The following PAN3 variants were observed in gnomAD, a reference collection of about 807,000 sequenced individuals.
The protein encoded by PAN3 is PAN2-PAN3 deadenylation complex subunit PAN3.
PAN3 carries 19 observed loss-of-function variants against 96.2 expected under a neutral mutation model. That is an observed-to-expected ratio of 0.20 (90% CI 0.14 to 0.29). The LOEUF (loss-of-function observed/expected upper bound fraction) is 0.29, where lower values mean the gene tolerates loss of function less well. Among genes scored for constraint, PAN3 ranks in the 10% least tolerant of loss-of-function variants. The pLI is 1.00. For synonymous variants in PAN3, 433 were observed against 406.6 expected (o/e 1.06, Z -0.78); for missense variants, 882 against 1,108.1 (o/e 0.80, Z 2.90).
At chr13:28,287,688 T>A (rs912590715) in intron 17 of PAN3, among the ~76,000 whole-genome samples, 1 of 152,156 alleles carries the variant, frequency 6.6e-6, no homozygotes, top group Non-Finnish European at 1.5e-5. Context: ...GAAGAGAAGA[T>A]ATTTAAAGAT....
intron 6 of PAN3, among the ~76,000 whole-genome samples, chr13:28,244,136 GTTTTC>G (rs1181245732): frequency 1.2e-4 from 18 of 152,174 alleles, no homozygotes; most frequent in Middle Eastern, 3.4e-3. Flanking sequence ...CTTGCTTTCT[GTTTTC>G]TTTATGATTT....
chr13:28,220,258 A>C lies in PAN3; in HGVS notation c.880A>C (p.Ile294Leu). Residue 294 changes from isoleucine (I) to leucine (L), a missense_variant, in exon 6 of 19, where the codon ATT becomes CTT. Around this residue, in one of 3 missense-constraint regions of PAN3, gnomAD observed 442 missense variants for 422.8 expected, o/e 1.05. Coordinates refer to ENST00000380958, the MANE Select transcript of PAN3 (RefSeq NM_175854.8). ...ACCAAATCCTACTGCAAGCGAGTTTATTCCTAAAGGAGGATCAACCTCCAG... is the reference window on the plus strand; with the variant it reads ...ACCAAATCCTACTGCAAGCGAGTTTCTTCCTAAAGGAGGATCAACCTCCAG... ...QTPNPTASEF[I>L]PKGGSTSRLS... 6.2e-7 allele frequency: 1 copy of C among 1,613,256 alleles called. No homozygotes were observed. Among genetic ancestry groups the C allele is most frequent in the Non-Finnish European group, 8.5e-7 (1 of 1,179,540 alleles).
chr13:28,166,608 A>G (rs1385670085), intron 1 of PAN3, among the ~76,000 whole-genome samples: 1 of 152,188 alleles, frequency 6.6e-6, no homozygotes, highest in Non-Finnish European at 1.5e-5. Context: ...AACCCTGGTA[A>G]AAGCTCTCTG....
At chr13:28,264,465 G>A (rs1885996375) in intron 9 of PAN3, among the ~76,000 whole-genome samples, 1 of 152,102 alleles carries the variant, frequency 6.6e-6, no homozygotes, top group African/African-American at 2.4e-5. Flanking sequence ...CTTGAACCTG[G>A]GAGGTGGAGG....
At chr13:28,268,894 G>A (rs932216272) in intron 12 of PAN3, among the ~76,000 whole-genome samples, 6 of 152,118 alleles carry the variant, frequency 3.9e-5, no homozygotes, top group Non-Finnish European at 8.8e-5. Context: ...GTCATAGAAT[G>A]TGGTCATTTT....
chr13:28,187,201 C>T (rs558912319), intron 4 of PAN3, among the ~76,000 whole-genome samples: 1 of 151,274 alleles, frequency 6.6e-6, no homozygotes, highest in Admixed American at 6.6e-5. Context: ...GTGGTGCACG[C>T]CTGTAGTCCC....
chr13:28,261,557 G>A, intron 9 of PAN3, 99 bp downstream of exon 9: 1 of 1,063,062 alleles, frequency 9.4e-7, no homozygotes, highest in Non-Finnish European at 1.3e-6. Flanking sequence ...TCCAGGCTGG[G>A]CCTGGTGGCT....
chr13:28,171,772 G>C (rs1334322109), intron 1 of PAN3, among the ~76,000 whole-genome samples: 1 of 152,180 alleles, frequency 6.6e-6, no homozygotes, highest in Non-Finnish European at 1.5e-5. Context: ...TCATCTCGCA[G>C]GCAAGGGAAA....
rs1312392277 is a variant in PAN3 at position 28,192,206 on chromosome 13, A to G, written c.691-4979A>G. Reference sequence around the variant, plus strand: ...TGCCTCAGCCTCCTGAGTCGCTGGGATTACAGGCGCCTGCCACCACACCCA... The same window carrying G: ...TGCCTCAGCCTCCTGAGTCGCTGGGGTTACAGGCGCCTGCCACCACACCCA... On this transcript the variant is annotated intron_variant, in intron 4 of 18. Coordinates refer to ENST00000380958, the MANE Select transcript of PAN3 (RefSeq NM_175854.8). 3.9e-5 allele frequency among the ~76,000 whole-genome samples: 6 copies of G among 151,972 alleles called. No homozygotes were observed. In the South Asian group the frequency reaches 6.2e-4, roughly 16 times the overall value.
intron 5 of PAN3, chr13:28,215,130 G>T: frequency 1.3e-6 from 1 of 762,556 alleles, no homozygotes; most frequent in Non-Finnish European, 2.4e-6. Flanking sequence ...GGAGCCAAGT[G>T]CTAACATGCC....
At chr13:28,141,333 T>TTA (rs1273188217) in intron 1 of PAN3, among the ~76,000 whole-genome samples, 3 of 152,074 alleles carry the variant, frequency 2.0e-5, no homozygotes, top group African/African-American at 7.2e-5. Flanking sequence ...AATGCTGGTG[T>TTA]TAGACTTCAT....
At chr13:28,145,770 T>G (rs544806565) in intron 1 of PAN3, among the ~76,000 whole-genome samples, 109 of 150,302 alleles carry the variant, frequency 7.3e-4, no homozygotes, top group African/African-American at 2.1e-3. Flanking sequence ...TTTTTTTTTT[T>G]TTTTTTTTTG....
intron 4 of PAN3, among the ~76,000 whole-genome samples, chr13:28,191,512 TC>T (rs1377114533): frequency 1.3e-5 from 2 of 152,080 alleles, no homozygotes; most frequent in Non-Finnish European, 2.9e-5. Context: ...CTGCTAAACA[TC>T]CTACAATGCA....
intron 4 of PAN3, among the ~76,000 whole-genome samples, chr13:28,192,472 T>C (rs1310846596): frequency 6.6e-6 from 1 of 152,240 alleles, no homozygotes; most frequent in Non-Finnish European, 1.5e-5. Flanking sequence ...CACCATCATG[T>C]CTGTATACAT....
chr13:28,264,258 G>A (rs765085522), intron 9 of PAN3, among the ~76,000 whole-genome samples: 1 of 152,026 alleles, frequency 6.6e-6, no homozygotes, highest in South Asian at 2.1e-4. Context: ...AGAAAAACGC[G>A]CCGGGCGCAG....
chr13:28,189,549 C>CT (rs1876951454), intron 4 of PAN3, among the ~76,000 whole-genome samples: 1 of 151,686 alleles, frequency 6.6e-6, no homozygotes, highest in Admixed American at 6.6e-5. Context: ...CAAAAAAACT[C>CT]TCAGTGTTAA....
chr13:28,167,773 G>A (rs1873783018), intron 1 of PAN3, among the ~76,000 whole-genome samples: 1 of 152,060 alleles, frequency 6.6e-6, no homozygotes, highest in African/African-American at 2.4e-5. Context: ...GAACCCGGGA[G>A]TCCGAGGTTG....
intron 12 of PAN3, 75 bp from the exon 13 acceptor site, chr13:28,270,626 T>G (rs1302811222): frequency 6.8e-7 from 1 of 1,471,992 alleles, no homozygotes; most frequent in African/African-American, 1.4e-5. Context: ...TTGTCTTTGC[T>G]AATTTTGATG....
At position 28,256,537 on chromosome 13, in the gene PAN3, A is replaced by C; in HGVS notation, c.1246A>C (p.Met416Leu). 1 of 1,612,828 alleles carries C rather than the reference A, an allele frequency of 6.2e-7. No homozygotes were observed. Among genetic ancestry groups the C allele is most frequent in the African/African-American group, 1.3e-5 (1 of 75,000 alleles). Reference protein sequence around the residue: ...TDTTPAPLTGMVFPNYHIYPP... With the variant: ...TDTTPAPLTGLVFPNYHIYPP... ...CACAACTCCAGCACCTTTGACTGGA[A>C]TGGTATGTCTACATTAAAGAGGAAA... The change falls in exon 7 of 19, where the codon ATG becomes CTG. Residue 416 changes from methionine (M) to leucine (L), a missense_variant and splice_region_variant. Around this residue, in one of 3 missense-constraint regions of PAN3, gnomAD observed 364 missense variants for 513.6 expected, o/e 0.71. Coordinates refer to ENST00000380958, the MANE Select transcript of PAN3 (RefSeq NM_175854.8).
Sources: gnomAD v4.1 joint callset for allele counts (sites outside exome capture counted in the v4.1 genomes callset) on GRCh38, gnomAD v4.1.1 for gene constraint, gnomAD v4.1.1 regional missense constraint, MANE v1.5 for transcripts, NCBI Gene and HGNC (gene_info 2026-07-23, HGNC 2026-07-21) for gene names.